Variants in B3GAT2 observed in about 807,000 individuals in gnomAD.
The protein encoded by B3GAT2 is beta-1,3-glucuronyltransferase 2.
A neutral mutation model predicts 27.8 loss-of-function variants in B3GAT2; 26 were observed. The observed-to-expected ratio is 0.93, with a 90% CI of 0.68 to 1.30. The LOEUF is 1.30. Among genes scored for constraint, B3GAT2 ranks in the 50% most tolerant of loss-of-function variants. The probability of loss-of-function intolerance (pLI) is 0.00; values close to 1 mark genes in which losing one functional copy is unlikely to be tolerated. For synonymous variants in B3GAT2, 218 were observed against 195.1 expected, an observed-to-expected ratio of 1.12 and a Z score of -0.98; for missense variants, 458 against 459.0, an observed-to-expected ratio of 1.00 and a Z score of 0.02.
chr6:70,950,691 T>A (rs956452903), intron 1 of B3GAT2, among the ~76,000 whole-genome samples: 12 of 152,202 alleles, frequency 7.9e-5, no homozygotes, highest in African/African-American at 2.9e-4. Context: ...TTTGTTTAAG[T>A]CCTCTGTACT....
At chr6:70,938,389 ATTGGAAAAAACTAC>A (rs1262982834) in intron 1 of B3GAT2, among the ~76,000 whole-genome samples, 2 of 151,432 alleles carry the variant, frequency 1.3e-5, no homozygotes, top group Middle Eastern at 3.4e-3. Flanking sequence ...TCTTCACAGA[ATTGGAAAAAACTAC>A]TTTAAAGTTT....
chr6:70,921,487 T>C (rs1327600723), intron 1 of B3GAT2, among the ~76,000 whole-genome samples: 5 of 152,184 alleles, frequency 3.3e-5, no homozygotes, highest in South Asian at 2.1e-4. Flanking sequence ...GGCTATTTCG[T>C]TTCATCTCTT....
chr6:70,944,587 G>A (rs547651999), intron 1 of B3GAT2, among the ~76,000 whole-genome samples: 57 of 152,040 alleles, frequency 3.7e-4, no homozygotes, highest in Admixed American at 1.9e-3. Context: ...CTGGGTGGAG[G>A]CCACCACAGC....
At chr6:70,894,892 C>T (rs999611536) in intron 1 of B3GAT2, among the ~76,000 whole-genome samples, 1 of 152,214 alleles carries the variant, frequency 6.6e-6, no homozygotes, top group Non-Finnish European at 1.5e-5. Context: ...CCTTGTTACA[C>T]ACAGTGGAAT....
At chr6:70,885,886 A>G (rs605227) in intron 2 of B3GAT2, among the ~76,000 whole-genome samples, 50,512 of 152,052 alleles carry the variant, frequency 0.33, 13,085 homozygotes, top group African/African-American at 0.7. Flanking sequence ...AGCAGGACCC[A>G]AGGATGAGTG....
At chr6:70,876,433 G>A (rs1321506974) in intron 2 of B3GAT2, among the ~76,000 whole-genome samples, 1 of 152,128 alleles carries the variant, frequency 6.6e-6, no homozygotes, top group Non-Finnish European at 1.5e-5. Flanking sequence ...AACTTGGAGG[G>A]CTTGAATTCA....
At chr6:70,912,320 G>C (rs565200530) in intron 1 of B3GAT2, among the ~76,000 whole-genome samples, 108 of 151,910 alleles carry the variant, frequency 7.1e-4, no homozygotes, top group African/African-American at 2.4e-3. Flanking sequence ...GTTTGTTGAG[G>C]GTTTCTAACA....
At chr6:70,863,910 T>G (rs1771806734) in intron 2 of B3GAT2, among the ~76,000 whole-genome samples, 1 of 152,034 alleles carries the variant, frequency 6.6e-6, no homozygotes, top group East Asian at 1.9e-4. Flanking sequence ...TCCACAGCCT[T>G]CCTTAGACAC....
chr6:70,956,225 A>G lies in B3GAT2; in HGVS notation c.205T>C (p.Ser69Pro), dbSNP rs907659442. The change falls in exon 1 of 4, where the codon TCT becomes CCT. Residue 69 changes from serine to proline, a missense_variant. Transcript: ENST00000230053. ...GGCTCCGGCTGTGGCTGCGGCCGAG[A>G]CTGGTTGCGCTTTTGGGTCCCGTGA... The part of the protein sequence containing the change: ...PAHGTQKRNQ[S>P]RPQPQPEPQL... 1.2e-6 allele frequency: 2 copies of G among 1,612,428 alleles called. No individual in the cohort carries two copies. The highest frequency in any genetic ancestry group is 2.7e-5 in the African/African-American group (2 of 74,976).
chr6:70,890,543 T>A (rs539476933), intron 2 of B3GAT2, among the ~76,000 whole-genome samples: 7 of 152,240 alleles, frequency 4.6e-5, no homozygotes, highest in African/African-American at 1.4e-4. Flanking sequence ...ATTACAATGA[T>A]AATTTGTATA....
At chr6:70,926,621 A>G (rs1050679734) in intron 1 of B3GAT2, among the ~76,000 whole-genome samples, 2 of 152,238 alleles carry the variant, frequency 1.3e-5, no homozygotes, top group African/African-American at 2.4e-5. Context: ...AGAGAAGTTT[A>G]GAGACAAAAG....
At chr6:70,946,630 T>A (rs1036772868) in intron 1 of B3GAT2, among the ~76,000 whole-genome samples, 1 of 152,090 alleles carries the variant, frequency 6.6e-6, no homozygotes, top group African/African-American at 2.4e-5. Flanking sequence ...ACAATAATAA[T>A]GGGAGACTTT....
chr6:70,864,758 G>C (rs1002255043), intron 2 of B3GAT2, among the ~76,000 whole-genome samples: 2 of 152,118 alleles, frequency 1.3e-5, no homozygotes, highest in African/African-American at 4.8e-5. Context: ...CACAGTAAAG[G>C]GAATCCTAAA....
At chr6:70,870,532 AAAGTAT>A (rs1466305564) in intron 2 of B3GAT2, among the ~76,000 whole-genome samples, 3 of 152,054 alleles carry the variant, frequency 2.0e-5, no homozygotes, top group Non-Finnish European at 4.4e-5. Context: ...CCTAAAACTT[AAAGTAT>A]AATAATAATA....
intron 1 of B3GAT2, among the ~76,000 whole-genome samples, chr6:70,921,816 G>A (rs1473895954): frequency 1.3e-5 from 2 of 152,128 alleles, no homozygotes; most frequent in Non-Finnish European, 2.9e-5. Context: ...GTGGTATAAT[G>A]TCGGTTCAGT....
At chr6:70,887,894 A>G (rs986651090) in intron 2 of B3GAT2, among the ~76,000 whole-genome samples, 2 of 152,192 alleles carry the variant, frequency 1.3e-5, no homozygotes, top group Non-Finnish European at 2.9e-5. Flanking sequence ...TCTGCCCGCA[A>G]AGATTGAGTA....
intron 1 of B3GAT2, among the ~76,000 whole-genome samples, chr6:70,926,825 A>T (rs190263752): frequency 1.2e-4 from 18 of 152,334 alleles, no homozygotes; most frequent in Admixed American, 4.6e-4. Context: ...AATACACAGA[A>T]CGCCACAAAG....
At chr6:70,923,867 A>T (rs897308088) in intron 1 of B3GAT2, among the ~76,000 whole-genome samples, 1 of 152,198 alleles carries the variant, frequency 6.6e-6, no homozygotes, top group Non-Finnish European at 1.5e-5. Context: ...ATGCTGTATC[A>T]TATTTTTAAG....
At chr6:70,864,408 T>C (rs1472159425) in intron 2 of B3GAT2, among the ~76,000 whole-genome samples, 1 of 152,202 alleles carries the variant, frequency 6.6e-6, no homozygotes, top group Admixed American at 6.5e-5. Flanking sequence ...CAGCCAGTTG[T>C]GAAGCTATAC....
Sources: gnomAD v4.1 joint callset for allele counts (sites outside exome capture counted in the v4.1 genomes callset) on GRCh38, gnomAD v4.1.1 for gene constraint, MANE v1.5 for transcripts, NCBI Gene and HGNC (gene_info 2026-07-23, HGNC 2026-07-21) for gene names.